The following TENM4 variants were observed in gnomAD, a reference collection of about 807,000 sequenced individuals.
The protein encoded by TENM4 is teneurin transmembrane protein 4, also known as teneurin-4.
In TENM4, 82 loss-of-function variants were observed where a neutral mutation model predicts 243.3. The observed-to-expected ratio is 0.34, with a 90% CI of 0.28 to 0.40. The LOEUF is 0.40. TENM4 is among the 10% of genes least tolerant of loss of function. TENM4 has a pLI of 1.00. For synonymous variants in TENM4, 1,412 were observed against 1,456.3 expected (o/e 0.97, Z 0.69); for missense variants, 3,138 against 3,673.3 (o/e 0.85, Z 3.77).
At chr11:79,201,528 A>T (rs1291587030) in intron 3 of TENM4, among the ~76,000 whole-genome samples, 1 of 151,998 alleles carries the variant, frequency 6.6e-6, no homozygotes, top group South Asian at 2.1e-4. Context: ...TCTGAAAATC[A>T]TAAAGATTAC....
At chr11:79,059,095 T>G (rs12222470) in intron 6 of TENM4, among the ~76,000 whole-genome samples, 6,888 of 152,284 alleles carry the variant, frequency 0.045, 260 homozygotes, top group African/African-American at 0.098. Flanking sequence ...AATGAGCAAT[T>G]TGGCTGCCTA....
At chr11:78,670,870 T>G (rs533002658) in intron 31 of TENM4, among the ~76,000 whole-genome samples, 64 of 152,322 alleles carry the variant, frequency 4.2e-4, no homozygotes, top group African/African-American at 1.5e-3. Flanking sequence ...AGCAGCCTCG[T>G]GGGTTTGCCC....
Position 78,947,934 on chromosome 11 carries a change from C to T in TENM4, c.494-44411G>A, listed in dbSNP as rs114988586. ...TGTATTCCAAGAGGCGAAGTCAATGCTTGGTGTAAAGCATTGCTTGGTTGT... is the reference window on the plus strand; with the variant it reads ...TGTATTCCAAGAGGCGAAGTCAATGTTTGGTGTAAAGCATTGCTTGGTTGT... On this transcript the variant is annotated intron_variant, in intron 6 of 33. Coordinates refer to ENST00000278550, the MANE Select transcript of TENM4 (RefSeq NM_001098816.3). 3.3e-3 allele frequency among the ~76,000 whole-genome samples: 502 copies of T among 152,232 alleles called. 3 individuals are homozygous for T. Among genetic ancestry groups the T allele is most frequent in the African/African-American group, 0.012 (484 of 41,544 alleles).
At chr11:79,012,065 C>T (rs1858658243) in intron 6 of TENM4, among the ~76,000 whole-genome samples, 1 of 152,190 alleles carries the variant, frequency 6.6e-6, no homozygotes, top group African/African-American at 2.4e-5. Context: ...GTTGCCAGCC[C>T]TGGGAGGATC....
chr11:79,089,565 A>G (rs547260245), intron 4 of TENM4, among the ~76,000 whole-genome samples: 22 of 152,268 alleles, frequency 1.4e-4, no homozygotes, highest in African/African-American at 5.3e-4. Context: ...ACTGCCAATC[A>G]CACTGCCCCA....
rs554635346 is a variant in TENM4, at chr11:78,779,531, G to T, written c.2366-903C>A. 9.2e-5 allele frequency among the ~76,000 whole-genome samples: 14 copies of T among 152,322 alleles called. No individual in the cohort carries two copies. In the South Asian group the frequency reaches 1.0e-3, roughly 11 times the overall value. ...CACTGTGTCTATATATGGGTGTCTG[G>T]CTGTGTGTTTAGAGCAGGGCAGGCC... On this transcript the variant is annotated intron_variant, in intron 16 of 33. Transcript: ENST00000278550.
chr11:78,798,201 C>G (rs1857199936), intron 15 of TENM4, among the ~76,000 whole-genome samples: 1 of 152,322 alleles, frequency 6.6e-6, no homozygotes. Flanking sequence ...GAATTTAGCT[C>G]TAGTGCAACT....
chr11:78,926,230 G>C (rs921428040), intron 6 of TENM4, among the ~76,000 whole-genome samples: 4 of 151,694 alleles, frequency 2.6e-5, no homozygotes, highest in African/African-American at 9.7e-5. Context: ...CCTGTCTCCT[G>C]GGGAGTGAGA....
intron 6 of TENM4, among the ~76,000 whole-genome samples, chr11:79,028,826 G>T (rs902251724): frequency 1.3e-5 from 2 of 152,102 alleles, no homozygotes; most frequent in Non-Finnish European, 2.9e-5. Context: ...ATATTGTGTG[G>T]GGCACTAGTT....
At chr11:78,803,274 C>G (rs1322737795) in intron 15 of TENM4, among the ~76,000 whole-genome samples, 2 of 152,134 alleles carry the variant, frequency 1.3e-5, no homozygotes, top group Admixed American at 1.3e-4. Context: ...CATGATCTAC[C>G]CACCTCGGCC....
intron 22 of TENM4, among the ~76,000 whole-genome samples, chr11:78,726,671 C>T (rs552768801): frequency 3.0e-4 from 45 of 152,140 alleles, no homozygotes; most frequent in East Asian, 5.8e-4. Context: ...TCATGGTGAG[C>T]GAGTTCTCCT....
chr11:79,358,119 C>A lies in TENM4; in HGVS notation c.-320-60576G>T, dbSNP rs17138222. On this transcript the variant is annotated intron_variant, in intron 1 of 33. Transcript: ENST00000278550. The stretch of plus-strand genomic sequence containing the variant: ...CTCTCCTCCTAAAGGCTTCTGGGCT[C>A]TGGTAAAATCAGGGCTATCATCACA... Among the ~76,000 whole-genome samples the A allele has an allele frequency of 3.3e-3, 509 of 152,292 alleles. 2 individuals carry two copies. The highest frequency in any genetic ancestry group is 0.012 in the African/African-American group (489 of 41,554).
intron 6 of TENM4, among the ~76,000 whole-genome samples, chr11:79,025,476 TTTGCCCAAGGCCATG>T (rs1859055255): frequency 6.6e-6 from 1 of 152,200 alleles, no homozygotes; most frequent in African/African-American, 2.4e-5. Flanking sequence ...GTTTGGGAGA[TTTGCCCAAGGCCATG>T]GAGACAGCAT....
chr11:78,766,339 G>A (rs1856538880), intron 18 of TENM4, among the ~76,000 whole-genome samples: 1 of 152,186 alleles, frequency 6.6e-6, no homozygotes, highest in Admixed American at 6.5e-5. Context: ...TTGGGGCATG[G>A]TGTCACCATC....
At chr11:79,054,674 T>C (rs369683577) in intron 6 of TENM4, among the ~76,000 whole-genome samples, 41 of 152,114 alleles carry the variant, frequency 2.7e-4, no homozygotes, top group South Asian at 6.2e-4. Context: ...TTGTTATTTT[T>C]AGTTCAAGCG....
At chr11:79,241,807 C>T (rs915876715) in intron 2 of TENM4, among the ~76,000 whole-genome samples, 6 of 152,160 alleles carry the variant, frequency 3.9e-5, no homozygotes, top group African/African-American at 9.7e-5. Flanking sequence ...AGAATCCCCT[C>T]AAGCCCAGAT....
chr11:78,736,477 T>TGTGTGC (rs1328804792), intron 20 of TENM4, among the ~76,000 whole-genome samples: 1 of 102,130 alleles, frequency 9.8e-6, no homozygotes, highest in African/African-American at 3.3e-5. Context: ...TGTGTGTGTG[T>TGTGTGC]GTGCGCGCGC....
In TENM4 at chr11:78,756,849, C is replaced by T. The variant is rs1856320466; in HGVS notation, c.2712G>A (p.Arg904=). 6.2e-7 allele frequency: 1 copy of T among 1,613,892 alleles called. No homozygotes were observed. The highest frequency in any genetic ancestry group is 2.2e-5 in the East Asian group (1 of 44,842). ...FYDRIKFLVG[R]DSTHIIPGEN... is the part of the protein sequence containing the mutation. ...CCCCGGGGATTATGTGCGTGCTGTC[C>T]CTGCCCACGAGGAACTTGATGCGGT... The change falls in exon 19 of 34, where the codon AGG becomes AGA. Residue 904 remains arginine, a synonymous_variant. Transcript: ENST00000278550.
At chr11:78,795,939 T>C (rs897477780) in intron 15 of TENM4, among the ~76,000 whole-genome samples, 2 of 152,146 alleles carry the variant, frequency 1.3e-5, no homozygotes, top group South Asian at 2.1e-4. Context: ...CAAGCTACTC[T>C]CCTGTGCTTT....
Sources: allele counts gnomAD v4.1 joint callset (sites outside exome capture counted in the v4.1 genomes callset), GRCh38; gene constraint gnomAD v4.1.1; transcripts MANE v1.5; gene names NCBI Gene and HGNC (gene_info 2026-07-23, HGNC 2026-07-21).